The following INTS12 variants were observed in gnomAD, a reference collection of about 807,000 sequenced individuals.
The protein encoded by INTS12 is PHD finger protein 22.
A neutral mutation model predicts 41.6 loss-of-function variants in INTS12; 13 were observed. The observed-to-expected ratio is 0.31, with a 90% CI of 0.20 to 0.50. The LOEUF (loss-of-function observed/expected upper bound fraction) is 0.50, where lower values mean the gene tolerates loss of function less well. Among genes scored for constraint, INTS12 ranks in the 20% least tolerant of loss-of-function variants. The pLI is 0.98. For missense variants in INTS12, 432 were observed against 541.6 expected (o/e 0.80, Z 2.01); for synonymous variants, 199 against 191.4 (o/e 1.04, Z -0.33).
chr4:105,704,479 G>A (rs73839004), intron 1 of INTS12, among the ~76,000 whole-genome samples: 10,184 of 152,282 alleles, frequency 0.067, 350 homozygotes, highest in Middle Eastern at 0.11. Context: ...TGGGAGTAGG[G>A]TCTAGAAATC....
chr4:105,682,942 C>A lies in INTS12; in HGVS notation c.1180G>T (p.Val394Phe), dbSNP rs1159589835. 6.2e-7 allele frequency: 1 copy of A among 1,614,134 alleles called. No individual in the cohort carries two copies. Residue 394 changes from valine (V) to phenylalanine (F), a missense_variant, in exon 8 of 8, where the codon GTT (valine) becomes TTT (phenylalanine). By Grantham distance (50) the Val-to-Phe change is conservative (BLOSUM62 -1). Coordinates refer to ENST00000340139, the MANE Select transcript of INTS12 (RefSeq NM_020395.4). Reference protein sequence around the residue: ...KVGLPSPSSLVPGSSSQLSGN... With the variant: ...KVGLPSPSSLFPGSSSQLSGN... ...CTTAGTTGGCTGCTGCTTCCTGGAA[C>A]TAAACTACTTGGACTAGGAAGACCT...
Position 105,695,610 on chromosome 4 carries a change from T to C in INTS12, c.215A>G (p.Lys72Arg), listed in dbSNP as rs1351015138. 6.2e-7 allele frequency: 1 copy of C among 1,613,434 alleles called. No homozygotes were observed. The highest frequency in any genetic ancestry group is 2.2e-5 in the East Asian group (1 of 44,770). ...TKNISIKQEP[K>R]ISSSLPSGNN... is the part of the protein sequence containing the mutation. The stretch of plus-strand genomic sequence containing the variant: ...ACCAGAAGGAAGACTGGATGATATT[T>C]TGGGCTCTTGCTTAATGGAAATGTT... Residue 72 changes from lysine to arginine, a missense_variant, in exon 4 of 8, where the codon AAA becomes AGA. Lys to Arg is a conservative substitution (Grantham distance 26). Coordinates refer to ENST00000340139, the MANE Select transcript of INTS12 (RefSeq NM_020395.4).
chr4:105,707,861 G>C, intron 1 of INTS12: 1 of 595,586 alleles, frequency 1.7e-6, no homozygotes, highest in South Asian at 7.4e-5. Flanking sequence ...AGTCTAAATT[G>C]GGCATTCATA....
At chr4:105,705,849 A>G (rs1449132952) in intron 1 of INTS12, 1 of 152,240 alleles carries the variant, frequency 6.6e-6, no homozygotes, top group Non-Finnish European at 1.5e-5. Context: ...CACACTGTTA[A>G]TTATGTAAAT....
At chr4:105,692,625 AG>A (rs1457880979) in intron 5 of INTS12, among the ~76,000 whole-genome samples, 1 of 152,200 alleles carries the variant, frequency 6.6e-6, no homozygotes, top group Non-Finnish European at 1.5e-5. Context: ...AAGCTTTTAA[AG>A]CTTATGGTCA....
chr4:105,708,222 G>A (rs1385331515), intron 1 of INTS12: 3 of 985,328 alleles, frequency 3.0e-6, no homozygotes, highest in Non-Finnish European at 3.6e-6. Flanking sequence ...AAAGCTGACA[G>A]CAAACACTTA....
chr4:105,703,125 C>T (rs749084126), intron 2 of INTS12: 12 of 494,558 alleles, frequency 2.4e-5, no homozygotes, highest in Non-Finnish European at 3.1e-5. Flanking sequence ...CCAAAACAGA[C>T]TGCAAAAGAG....
chr4:105,691,109 C>T (rs543516891), intron 6 of INTS12, among the ~76,000 whole-genome samples: 17 of 152,166 alleles, frequency 1.1e-4, no homozygotes, highest in Non-Finnish European at 1.8e-4. Flanking sequence ...ATGGGTATCC[C>T]GAGTTTTTAC....
intron 7 of INTS12, among the ~76,000 whole-genome samples, chr4:105,684,228 T>C (rs1731425151): frequency 6.6e-6 from 1 of 152,164 alleles, no homozygotes; most frequent in Admixed American, 6.5e-5. Flanking sequence ...CACAAGAATA[T>C]ATTTTTTCAC....
intron 3 of INTS12, among the ~76,000 whole-genome samples, 197 bp downstream of exon 3, chr4:105,699,653 C>A (rs1223046553): frequency 1.3e-5 from 2 of 152,082 alleles, no homozygotes; most frequent in Admixed American, 1.3e-4. Context: ...ATATCCTGCA[C>A]CCCCAGCTGA....
chr4:105,687,384 T>C (rs1731533455), intron 6 of INTS12, among the ~76,000 whole-genome samples: 1 of 152,218 alleles, frequency 6.6e-6, no homozygotes. Context: ...ACTAAATCTT[T>C]AGAGAAAGTT....
At chr4:105,704,861 T>C (rs143438675) in intron 1 of INTS12, among the ~76,000 whole-genome samples, 143 of 152,212 alleles carry the variant, frequency 9.4e-4, no homozygotes, top group Non-Finnish European at 1.8e-3. Flanking sequence ...CTCAAATCTA[T>C]CCACCCTTTT....
Position 105,686,675 on chromosome 4 carries a change from A to G in INTS12, c.804+17T>C. ...ACTTTAAGATATAATCTTAGATAAA[A>G]ATAGAATCTACTATACCTTGACTTC... is the stretch of plus-strand genomic sequence containing the variant. On this transcript the variant is annotated intron_variant, in intron 7 of 7. Coordinates refer to ENST00000340139, the MANE Select transcript of INTS12 (RefSeq NM_020395.4). 6.4e-7 allele frequency: 1 copy of G among 1,564,274 alleles called. No homozygotes were observed. Among genetic ancestry groups the G allele is most frequent in the Non-Finnish European group, 8.6e-7 (1 of 1,156,316 alleles).
chr4:105,699,782 T>A (rs1036190016), intron 3 of INTS12, 68 bp downstream of exon 3: 8 of 1,055,886 alleles, frequency 7.6e-6, no homozygotes, highest in Non-Finnish European at 1.0e-5. Context: ...TGAGATGGTC[T>A]ATATGTTATC....
At chr4:105,698,135 T>G (rs1333149207) in intron 3 of INTS12, among the ~76,000 whole-genome samples, 1 of 152,220 alleles carries the variant, frequency 6.6e-6, no homozygotes, top group African/African-American at 2.4e-5. Context: ...AACTATTACC[T>G]AATTCAGCAA....
Position 105,682,999 on chromosome 4 carries a change from G to T in INTS12, c.1123C>A (p.Arg375Ser). ...PLTLGKTGLSRSVSCDNVSKV... is the reference protein window; with the variant it reads ...PLTLGKTGLSSSVSCDNVSKV... The stretch of plus-strand genomic sequence containing the variant: ...CTGACATTGTCACAACTAACTGAGC[G>T]ACTAAGGCCAGTTTTACCCAAGGTT... The change falls in exon 8 of 8, where the codon CGC becomes AGC. Residue 375 changes from arginine (R) to serine (S), a missense_variant. Arg to Ser is a moderately radical substitution (Grantham distance 110). This residue lies in a region of INTS12 where 258 missense variants were observed against 309.9 expected (regional missense o/e 0.83). Transcript: ENST00000340139. The T allele has an allele frequency of 1.2e-6, 2 of 1,614,100 alleles. No individual in the cohort carries two copies. The highest frequency in any genetic ancestry group is 2.2e-5 in the South Asian group (2 of 91,044).
At chr4:105,708,183 G>T (rs1163246912) in intron 1 of INTS12, 34 of 985,392 alleles carry the variant, frequency 3.5e-5, no homozygotes, top group Non-Finnish European at 4.1e-5. Context: ...AGGAGAAAAG[G>T]CTCCGATTCC....
chr4:105,707,941 A>G, intron 1 of INTS12: 10 of 985,296 alleles, frequency 1.0e-5, no homozygotes, highest in African/African-American at 1.7e-5. Flanking sequence ...AAAGAAGTCC[A>G]AAGTTGATCA....
At chr4:105,702,066 A>G (rs72671824) in intron 2 of INTS12, among the ~76,000 whole-genome samples, 8,150 of 151,398 alleles carry the variant, frequency 0.054, 250 homozygotes, top group Middle Eastern at 0.14. Context: ...TGGCCCTTTG[A>G]CCCAGTGGTC....
Sources: gnomAD v4.1 joint callset for allele counts (sites outside exome capture counted in the v4.1 genomes callset) on GRCh38, gnomAD v4.1.1 for gene constraint, gnomAD v4.1.1 regional missense constraint, MANE v1.5 for transcripts, NCBI Gene and HGNC (gene_info 2026-07-23, HGNC 2026-07-21) for gene names.